BOD1L1: variants seen among roughly 807,000 people sequenced by gnomAD.
BOD1L1 encodes the protein biorientation of chromosomes in cell division 1 like 1.
In BOD1L1, 86 loss-of-function variants were observed where a neutral mutation model predicts 240.7. That is an observed-to-expected ratio of 0.36 (90% CI 0.30 to 0.43). The LOEUF (loss-of-function observed/expected upper bound fraction) is 0.43, where lower values mean the gene tolerates loss of function less well. Among genes scored for constraint, BOD1L1 ranks in the 20% least tolerant of loss-of-function variants. The pLI is 1.00. For missense variants in BOD1L1, 3,554 were observed against 3,643.5 expected, an observed-to-expected ratio of 0.98 and a Z score of 0.63; for synonymous variants, 1,268 against 1,272.3, an observed-to-expected ratio of 1.00 and a Z score of 0.07.
In BOD1L1 at chr4:13,573,450, A is replaced by G. The variant is rs56144365; in HGVS notation, c.9039-3322T>C. Among the ~76,000 whole-genome samples, 517 of 118,150 alleles carry G rather than the reference A, an allele frequency of 4.4e-3. 4 individuals carry two copies. Among genetic ancestry groups the G allele is most frequent in the African/African-American group, 0.012 (424 of 36,062 alleles). 77.5% of individuals were successfully genotyped at this position (118,150 alleles called of 152,430 possible). A position where few individuals can be genotyped will look rare whatever the true frequency, so the allele number is the denominator to read the frequency against. The stretch of plus-strand genomic sequence containing the variant: ...TGTCTGTCTGTCTGTCTGTCTATCT[A>G]TCTATCTATCTATCTATCTATCTTT... On this transcript the variant is annotated intron_variant, in intron 25 of 25. Transcript: ENST00000040738.
In BOD1L1 at chr4:13,569,440, T is replaced by C. The variant is rs759143713; in HGVS notation, c.*571A>G. 6.6e-6 allele frequency: 1 copy of C among 152,206 alleles called. No individual in the cohort carries two copies. The highest frequency in any genetic ancestry group is 1.5e-5 in the Non-Finnish European group (1 of 68,038). 9.4% of individuals were successfully genotyped at this position (152,206 alleles called of 1,614,324 possible). A position where few individuals can be genotyped will look rare whatever the true frequency, so the allele number is the denominator to read the frequency against. ...ATACATGCGAGTTTCTGCCAGATCA[T>C]ATTAAGATAGTTACAGAGCAGGCAG... On this transcript the variant is annotated 3_prime_UTR_variant, in exon 26 of 26. Coordinates refer to ENST00000040738, the MANE Select transcript of BOD1L1 (RefSeq NM_148894.3).
chr4:13,619,040 T>C (rs1045167241), intron 2 of BOD1L1, among the ~76,000 whole-genome samples: 6 of 152,080 alleles, frequency 3.9e-5, no homozygotes, highest in African/African-American at 1.4e-4. Context: ...GAACAAGTAG[T>C]GGCCAGGTGA....
At chr4:13,617,503 A>C (rs1293374938) in intron 2 of BOD1L1, among the ~76,000 whole-genome samples, 1 of 152,222 alleles carries the variant, frequency 6.6e-6, no homozygotes, top group East Asian at 1.9e-4. Context: ...GAGAAGCTAC[A>C]GCCCTAGGTC....
In BOD1L1 at chr4:13,603,934, C is replaced by T. The variant is rs1235637952; in HGVS notation, c.2966G>A (p.Ser989Asn). ...SSAHSTQKDSSHRAKLPLAKE... is the reference protein window; with the variant it reads ...SSAHSTQKDSNHRAKLPLAKE... Reference sequence around the variant, plus strand: ...TGCTAATGGTAACTTGGCTCTATGACTAGAATCCTTCTGTGTACTATGTGC... The same window carrying T: ...TGCTAATGGTAACTTGGCTCTATGATTAGAATCCTTCTGTGTACTATGTGC... Residue 989 changes from serine (S) to asparagine (N), a missense_variant, in exon 10 of 26, where the codon AGT becomes AAT. Around this residue, in one of 2 missense-constraint regions of BOD1L1, gnomAD observed 3,393 missense variants for 3,427.1 expected, o/e 0.99. Transcript: ENST00000040738. 5.6e-6 allele frequency: 9 copies of T among 1,613,824 alleles called. No homozygotes were observed. Among genetic ancestry groups the T allele is most frequent in the Non-Finnish European group, 7.6e-6 (9 of 1,179,886 alleles).
At chr4:13,608,787 A>T in intron 7 of BOD1L1, 119 bp from the exon 8 acceptor site, 2 of 772,162 alleles carry the variant, frequency 2.6e-6, no homozygotes, top group Admixed American at 8.0e-5. Context: ...TAATATTCTT[A>T]AGTTGTGCTG....
chr4:13,581,452 A>G (rs1163925956), intron 19 of BOD1L1, among the ~76,000 whole-genome samples: 1 of 152,226 alleles, frequency 6.6e-6, no homozygotes, highest in East Asian at 1.9e-4. Flanking sequence ...TTTTGAGACA[A>G]TGAAGTAATC....
In BOD1L1 at chr4:13,601,367, C is replaced by T; in HGVS notation, c.5533G>A (p.Ala1845Thr). 1.2e-6 allele frequency: 2 copies of T among 1,614,058 alleles called. No individual in the cohort carries two copies. Among genetic ancestry groups the T allele is most frequent in the Non-Finnish European group, 1.7e-6 (2 of 1,179,914 alleles). The change falls in exon 10 of 26, where the codon GCT becomes ACT. Residue 1845 changes from alanine (A) to threonine (T), a missense_variant. Ala to Thr is a moderately conservative substitution (Grantham distance 58). Around this residue, in one of 2 missense-constraint regions of BOD1L1, gnomAD observed 3,393 missense variants for 3,427.1 expected, o/e 0.99. Transcript: ENST00000040738. ...AKEGTNVPLV[A>T]AGPCDDEGIV... is the part of the protein sequence containing the mutation. ...CCTTCATCATCACAAGGACCAGCAG[C>T]AACTAATGGTACATTAGTGCCTTCT...
At chr4:13,593,196 T>A (rs1026614475) in intron 12 of BOD1L1, 1 of 152,116 alleles carries the variant, frequency 6.6e-6, no homozygotes, top group Non-Finnish European at 1.5e-5. Context: ...GCCTTTTGGA[T>A]TAGGGATACT....
At chr4:13,577,541 A>C in intron 23 of BOD1L1, 41 bp downstream of exon 23, 1 of 1,594,624 alleles carries the variant, frequency 6.3e-7, no homozygotes, top group South Asian at 1.1e-5. Flanking sequence ...ATTTAAGTTG[A>C]TTTCTAAACA....
In BOD1L1 at chr4:13,599,759, C is replaced by T. The variant is rs1262693515; in HGVS notation, c.7141G>A (p.Glu2381Lys). Residue 2381 changes from glutamate to lysine, a missense_variant, in exon 10 of 26, where the codon GAG becomes AAG. Coordinates refer to ENST00000040738, the MANE Select transcript of BOD1L1 (RefSeq NM_148894.3). ...GGCCCAGGACACCGACAGTTATTCT[C>T]AGCAATTAGGCTGGGCATGGGGACC... ...HKVPMPSLIA[E>K]NNCRCPGPVR... is the part of the protein sequence containing the mutation. 1 of 1,614,018 alleles carries T rather than the reference C, an allele frequency of 6.2e-7. No homozygotes were observed. Among genetic ancestry groups the T allele is most frequent in the East Asian group, 2.2e-5 (1 of 44,876 alleles).
Position 13,603,746 on chromosome 4 carries a change from G to A in BOD1L1, c.3154C>T (p.His1052Tyr). 1.9e-6 allele frequency: 3 copies of A among 1,613,722 alleles called. No homozygotes were observed. The highest frequency in any genetic ancestry group is 2.5e-6 in the Non-Finnish European group (3 of 1,179,840). Residue 1052 changes from histidine to tyrosine, a missense_variant, in exon 10 of 26, where the codon CAT (histidine) becomes TAT (tyrosine). Transcript: ENST00000040738. ...GAACTATTACCTCTGGCCTTTTCAT[G>A]ACTACTGTCAACTTCTTTACCATCC... ...DKDGKEVDSSHEKARGNSSLM... is the reference protein window; with the variant it reads ...DKDGKEVDSSYEKARGNSSLM...
chr4:13,610,960 T>C lies in BOD1L1; in HGVS notation c.1465A>G (p.Thr489Ala). The stretch of plus-strand genomic sequence containing the variant: ...ATGGACTGTCGTCGTTGTTCTACAG[T>C]AAGCTCATCATCAGAATCACTATAG... ...KYYSDSDDEL[T>A]VEQRRQSIAK... The change falls in exon 6 of 26, where the codon ACT becomes GCT. Residue 489 changes from threonine (T) to alanine (A), a missense_variant. By Grantham distance (58) the Thr-to-Ala change is moderately conservative. Transcript: ENST00000040738. 1 of 1,610,166 alleles carries C rather than the reference T, an allele frequency of 6.2e-7. No homozygotes were observed. Among genetic ancestry groups the C allele is most frequent in the South Asian group, 1.1e-5 (1 of 90,162 alleles).
At chr4:13,617,843 G>A (rs986869119) in intron 2 of BOD1L1, among the ~76,000 whole-genome samples, 4 of 152,150 alleles carry the variant, frequency 2.6e-5, no homozygotes, top group Admixed American at 2.0e-4. Flanking sequence ...TTTATTTACA[G>A]GGGCTAGTCC....
Position 13,604,510 on chromosome 4 carries a change from C to T in BOD1L1, c.2390G>A (p.Arg797Lys), listed in dbSNP as rs759837320. The T allele has an allele frequency of 1.3e-6, 2 of 1,527,456 alleles. No homozygotes were observed. Among genetic ancestry groups the T allele is most frequent in the South Asian group, 1.3e-5 (1 of 75,560 alleles). 94.6% of individuals were successfully genotyped at this position (1,527,456 alleles called of 1,614,324 possible). A position where few individuals can be genotyped will look rare whatever the true frequency, so the allele number is the denominator to read the frequency against. ...ATCTTTGCCTAATACTGATAATTTCCTTTCATTCCTATGTTTACTTTTTCG... is the reference window on the plus strand; with the variant it reads ...ATCTTTGCCTAATACTGATAATTTCTTTTCATTCCTATGTTTACTTTTTCG... ...TERKSKHRNE[R>K]KLSVLGKDGK... Residue 797 changes from arginine to lysine, a missense_variant, in exon 10 of 26, where the codon AGG (arginine) becomes AAG (lysine). This residue lies in a region of BOD1L1 where 3,393 missense variants were observed against 3,427.1 expected (regional missense o/e 0.99). Transcript: ENST00000040738.
chr4:13,625,895 G>A (rs1488552861), intron 1 of BOD1L1: 2 of 152,152 alleles, frequency 1.3e-5, no homozygotes, highest in Non-Finnish European at 2.9e-5. Flanking sequence ...CCCAGTATGA[G>A]TCCTTATAAA....
intron 5 of BOD1L1, among the ~76,000 whole-genome samples, chr4:13,611,674 C>A (rs1012413688): frequency 6.6e-6 from 1 of 152,250 alleles, no homozygotes; most frequent in African/African-American, 2.4e-5. Context: ...CTCAGCCTAA[C>A]AGCCTCCATC....
In BOD1L1 at chr4:13,613,291, A is replaced by G. The variant is rs1716325822; in HGVS notation, c.1324+221T>C. ...TAAATTAATAATAATACTAGGGGAT[A>G]GAGTTAAGGAATGAAGAACCAAGGG... On this transcript the variant is annotated intron_variant, in intron 5 of 25. Coordinates refer to ENST00000040738, the MANE Select transcript of BOD1L1 (RefSeq NM_148894.3). This position sits in a 1 kb window ranked among gnomAD's most constrained non-coding sequence, Gnocchi z 4.0. Among the ~76,000 whole-genome samples, 1 of 152,208 alleles carries G rather than the reference A, an allele frequency of 6.6e-6. No homozygotes were observed. Among genetic ancestry groups the G allele is most frequent in the Non-Finnish European group, 1.5e-5 (1 of 68,046 alleles).
At position 13,600,937 on chromosome 4, in the gene BOD1L1, T is replaced by A; in HGVS notation, c.5963A>T (p.Asp1988Val). The A allele has an allele frequency of 1.2e-6, 2 of 1,613,912 alleles. No individual in the cohort carries two copies. Among genetic ancestry groups the A allele is most frequent in the Non-Finnish European group, 1.7e-6 (2 of 1,179,872 alleles). ...PMTSAASDQSDSQLEKVEDTT... is the reference protein window; with the variant it reads ...PMTSAASDQSVSQLEKVEDTT... ...ATCTTCAACTTTTTCGAGCTGACTG[T>A]CACTTTGATCAGATGCAGCACTAGT... The change falls in exon 10 of 26, where the codon GAC (aspartate) becomes GTC (valine). Residue 1988 changes from aspartate to valine, a missense_variant. Transcript: ENST00000040738.
At position 13,582,241 on chromosome 4, in the gene BOD1L1, T is replaced by C; in HGVS notation, c.8588A>G (p.Gln2863Arg). 6.2e-7 allele frequency: 1 copy of C among 1,604,500 alleles called. No homozygotes were observed. The highest frequency in any genetic ancestry group is 8.5e-7 in the Non-Finnish European group (1 of 1,171,674). ...AATACGAAAAGCACATCTCACCTCC[T>C]GAGATTTTATGGTGTCATCATCGTT... ...EQNDDDTIKS[Q>R]EEDQPIIIKR... is the part of the protein sequence containing the mutation. The change falls in exon 19 of 26, where the codon CAG (glutamine) becomes CGG (arginine). Residue 2863 changes from glutamine to arginine, a missense_variant. Coordinates refer to ENST00000040738, the MANE Select transcript of BOD1L1 (RefSeq NM_148894.3).
Sources: gnomAD v4.1 joint callset for allele counts (sites outside exome capture counted in the v4.1 genomes callset) on GRCh38, gnomAD v4.1.1 for gene constraint, gnomAD v4.1.1 regional missense constraint, Gnocchi (gnomAD v3.1) non-coding constraint, MANE v1.5 for transcripts, NCBI Gene and HGNC (gene_info 2026-07-23, HGNC 2026-07-21) for gene names.